IMMP2L: variants seen among roughly 807,000 people sequenced by gnomAD.
IMMP2L encodes inner mitochondrial membrane peptidase subunit 2.
A neutral mutation model predicts 19.3 loss-of-function variants in IMMP2L; 18 were observed. That is an observed-to-expected ratio of 0.93 (90% confidence interval 0.64 to 1.38). The LOEUF (loss-of-function observed/expected upper bound fraction) is 1.38. Ranked by LOEUF, IMMP2L falls within the 40% of genes most tolerant of loss-of-function variation. The pLI is 0.00. For synonymous variants in IMMP2L, 76 were observed against 73.0 expected (o/e 1.04, Z -0.21); for missense variants, 233 against 218.2 (o/e 1.07, Z -0.43).
At chr7:111,484,649 C>A (rs1467640066) in intron 3 of IMMP2L, among the ~76,000 whole-genome samples, 1 of 151,984 alleles carries the variant, frequency 6.6e-6, no homozygotes, top group Non-Finnish European at 1.5e-5. Flanking sequence ...ATAAGAAAAG[C>A]AAATATTCAA....
At chr7:111,254,073 CAA>C (rs1202983707) in intron 3 of IMMP2L, among the ~76,000 whole-genome samples, 1 of 152,128 alleles carries the variant, frequency 6.6e-6, no homozygotes, top group Non-Finnish European at 1.5e-5. Context: ...ATTTGTGCAT[CAA>C]GTTACCTCTT....
In IMMP2L at chr7:111,463,617, CA is replaced by C. The variant is rs113367368; in HGVS notation, c.239+23620del. Among the ~76,000 whole-genome samples the C allele has an allele frequency of 3.6e-3, 542 of 152,270 alleles. 5 individuals carry two copies. Among genetic ancestry groups the C allele is most frequent in the African/African-American group, 0.012 (505 of 41,548 alleles). On this transcript the variant is annotated intron_variant, in intron 3 of 5. Coordinates refer to ENST00000405709, the MANE Select transcript of IMMP2L (RefSeq NM_032549.4). ...TTTCCCTGTCCACTAGCCCCGCTCC[CA>C]TAATTCTAGCTCTCACCAGAATGGG...
At chr7:111,386,816 A>G (rs1831804867) in intron 3 of IMMP2L, among the ~76,000 whole-genome samples, 1 of 152,146 alleles carries the variant, frequency 6.6e-6, no homozygotes, top group Non-Finnish European at 1.5e-5. Context: ...GTTTGGCAAA[A>G]ATATCTGTGC....
chr7:111,439,214 T>C (rs1837482279), intron 3 of IMMP2L, among the ~76,000 whole-genome samples: 1 of 151,876 alleles, frequency 6.6e-6, no homozygotes, highest in Admixed American at 6.6e-5. Context: ...AATCCCTTCA[T>C]CTCTGCTTCT....
chr7:111,114,996 T>C (rs1040268961), intron 3 of IMMP2L, among the ~76,000 whole-genome samples: 2 of 152,200 alleles, frequency 1.3e-5, no homozygotes, highest in Admixed American at 6.5e-5. Flanking sequence ...AATTATAACC[T>C]GAAGCAAATT....
intron 3 of IMMP2L, among the ~76,000 whole-genome samples, chr7:111,214,331 C>CTTTTTTTTTTT (rs1169450523): frequency 4.9e-5 from 4 of 82,194 alleles, no homozygotes; most frequent in African/African-American, 1.6e-4. Flanking sequence ...AATTTTTCTT[C>CTTTTTTTTTTT]TTTTTTTTTT....
intron 3 of IMMP2L, among the ~76,000 whole-genome samples, chr7:111,486,428 G>C (rs1313301524): frequency 6.6e-6 from 1 of 152,062 alleles, no homozygotes; most frequent in African/African-American, 2.4e-5. Context: ...CCCAGTAGCA[G>C]GTTTTTACTG....
chr7:110,886,545 C>T (rs747562899), intron 5 of IMMP2L, 48 bp downstream of exon 5: 1 of 1,047,384 alleles, frequency 9.5e-7, no homozygotes, highest in Admixed American at 1.7e-5. Flanking sequence ...GTTTTGTTCT[C>T]ACCTTTGAAA....
At chr7:110,914,880 A>C (rs139034093) in intron 4 of IMMP2L, among the ~76,000 whole-genome samples, 54 of 152,318 alleles carry the variant, frequency 3.5e-4, no homozygotes, top group Non-Finnish European at 5.6e-4. Flanking sequence ...GAAAATACAA[A>C]TGAAAACCAC....
At chr7:111,215,345 C>G (rs1437290124) in intron 3 of IMMP2L, among the ~76,000 whole-genome samples, 1 of 152,084 alleles carries the variant, frequency 6.6e-6, no homozygotes, top group Non-Finnish European at 1.5e-5. Flanking sequence ...GTATTACACT[C>G]GAATCTGAAT....
At chr7:111,280,483 A>G (rs149892961) in intron 3 of IMMP2L, among the ~76,000 whole-genome samples, 1,711 of 152,338 alleles carry the variant, frequency 0.011, 12 homozygotes, top group South Asian at 0.025. Context: ...AACACAGAAC[A>G]GAAGGCCCAA....
At chr7:111,242,694 C>A (rs1417029207) in intron 3 of IMMP2L, among the ~76,000 whole-genome samples, 1 of 151,916 alleles carries the variant, frequency 6.6e-6, no homozygotes, top group Non-Finnish European at 1.5e-5. Flanking sequence ...CTGGACATCT[C>A]AGATGACCAC....
chr7:111,078,072 T>G (rs1161452081), intron 3 of IMMP2L, among the ~76,000 whole-genome samples: 1 of 152,248 alleles, frequency 6.6e-6, no homozygotes, highest in Non-Finnish European at 1.5e-5. Context: ...TATTTACTAA[T>G]GTCTGGAATC....
intron 3 of IMMP2L, among the ~76,000 whole-genome samples, chr7:111,445,181 G>A (rs12334119): frequency 0.22 from 33,499 of 151,272 alleles, 5,327 homozygotes; most frequent in African/African-American, 0.45. Flanking sequence ...GATTTATAGG[G>A]AAAAAAAAGT....
chr7:110,808,940 G>C (rs978085979), intron 5 of IMMP2L, among the ~76,000 whole-genome samples: 5 of 151,960 alleles, frequency 3.3e-5, no homozygotes, highest in African/African-American at 1.2e-4. Flanking sequence ...AGGTTTCCTC[G>C]GAAATATGCT....
In IMMP2L at chr7:111,065,914, G is replaced by GTA. The variant is rs398095313; in HGVS notation, c.240-102350_240-102349insTA. The stretch of plus-strand genomic sequence containing the variant: ...ACCCTAATACAATGTGTGTGTGTGT[G>GTA]CGCGCGCGTGTATGCGCGCGCACGC... On this transcript the variant is annotated intron_variant, in intron 3 of 5. Transcript: ENST00000405709. Among the ~76,000 whole-genome samples the GTA allele has an allele frequency of 2.0e-5, 3 of 150,966 alleles. No homozygotes were observed. The East Asian group carries it at 5.9e-4, about 29-fold the overall frequency.
chr7:110,762,775 GT>G (rs1296498306), intron 5 of IMMP2L, among the ~76,000 whole-genome samples: 22 of 152,164 alleles, frequency 1.4e-4, no homozygotes, highest in African/African-American at 5.1e-4. Context: ...GGATAGCAGG[GT>G]CTTTTATAAG....
intron 3 of IMMP2L, among the ~76,000 whole-genome samples, chr7:111,342,525 G>C (rs1220134223): frequency 6.6e-6 from 1 of 151,292 alleles, no homozygotes; most frequent in Non-Finnish European, 1.5e-5. Flanking sequence ...CAGGGAGTTG[G>C]AGGTTGCAGT....
At chr7:110,813,806 C>G (rs1002461374) in intron 5 of IMMP2L, among the ~76,000 whole-genome samples, 7 of 151,142 alleles carry the variant, frequency 4.6e-5, no homozygotes, top group African/African-American at 7.3e-5. Flanking sequence ...TTTATTAACT[C>G]TACTAAAGTA....
Sources: allele counts gnomAD v4.1 joint callset (sites outside exome capture counted in the v4.1 genomes callset), GRCh38; gene constraint gnomAD v4.1.1; transcripts MANE v1.5; gene names NCBI Gene and HGNC (gene_info 2026-07-23, HGNC 2026-07-21).